Variants in ASIC2 observed in about 807,000 individuals in gnomAD.
ASIC2 encodes acid sensing ion channel subunit 2, also known as acid-sensing ion channel 2.
ASIC2 carries 25 observed loss-of-function variants against 57.3 expected under a neutral mutation model. The ratio of observed to expected loss-of-function variants is 0.44; its 90% CI spans 0.32 to 0.61. The LOEUF is 0.61. Among genes scored for constraint, ASIC2 ranks in the 20% least tolerant of loss-of-function variants. The pLI, the probability that ASIC2 is intolerant of heterozygous loss-of-function variation, is 0.06. For synonymous variants in ASIC2, 319 were observed against 307.5 expected (o/e 1.04, Z -0.39); for missense variants, 641 against 738.1 (o/e 0.87, Z 1.52).
intron 1 of ASIC2, among the ~76,000 whole-genome samples, chr17:34,153,512 A>T (rs1344106407): frequency 6.6e-6 from 1 of 152,226 alleles, no homozygotes; most frequent in Non-Finnish European, 1.5e-5. Context: ...GGGACAAAGG[A>T]TGAGTTGGGA....
rs1192486577 is a variant in ASIC2, at chr17:34,064,682, G to GA, written c.555+91295dup. 7.9e-5 allele frequency among the ~76,000 whole-genome samples: 12 copies of GA among 151,602 alleles called. No individual in the cohort carries two copies. In the South Asian group the frequency reaches 2.5e-3, roughly 32 times the overall value. On this transcript the variant is annotated intron_variant, in intron 1 of 9. Coordinates refer to the ASIC2 transcript ENST00000359872. ...ACAACAAACTCAAACAAATCAATAA[G>GA]AAAAAAACAAACAATCCCATCAAAA... is the stretch of plus-strand genomic sequence containing the variant.
intron 1 of ASIC2, among the ~76,000 whole-genome samples, chr17:33,665,909 C>T (rs755178072): frequency 1.9e-4 from 29 of 152,128 alleles, no homozygotes; most frequent in Non-Finnish European, 2.9e-4. Context: ...TCCCTAAGTG[C>T]CCAGGCTGGG....
intron 1 of ASIC2, among the ~76,000 whole-genome samples, chr17:34,104,784 G>A (rs1910985204): frequency 1.3e-5 from 2 of 151,636 alleles, no homozygotes; most frequent in African/African-American, 4.9e-5. Flanking sequence ...TTTAAATGTT[G>A]AACCAAACTT....
At chr17:33,537,202 G>T (rs1915261074) in intron 1 of ASIC2, among the ~76,000 whole-genome samples, 1 of 152,042 alleles carries the variant, frequency 6.6e-6, no homozygotes. Context: ...CTGCAGCTGG[G>T]GTGGTGGTGT....
chr17:33,202,993 A>G (rs1464999551), intron 1 of ASIC2, among the ~76,000 whole-genome samples: 1 of 152,228 alleles, frequency 6.6e-6, no homozygotes, highest in African/African-American at 2.4e-5. Context: ...GCCAGAGAGA[A>G]AAAAAGCAAC....
chr17:33,946,924 A>C lies in ASIC2; in HGVS notation c.555+209054T>G, dbSNP rs538254637. Among the ~76,000 whole-genome samples, 6 of 152,062 alleles carry C rather than the reference A, an allele frequency of 3.9e-5. No individual in the cohort carries two copies. In the East Asian group the frequency reaches 1.2e-3, roughly 29 times the overall value. ...CTGGCAGTTTGGGGTGAAGGGGAGG[A>C]GATGGGGCATATATGTCCTCTCCAT... On this transcript the variant is annotated intron_variant, in intron 1 of 9. Transcript: ENST00000359872.
At chr17:33,917,671 A>G (rs1915612900) in intron 1 of ASIC2, among the ~76,000 whole-genome samples, 1 of 152,216 alleles carries the variant, frequency 6.6e-6, no homozygotes, top group African/African-American at 2.4e-5. Context: ...TCATTTCCCC[A>G]GAAACTTTCA....
intron 3 of ASIC2, among the ~76,000 whole-genome samples, chr17:33,038,232 C>G (rs991327817): frequency 5.9e-5 from 9 of 152,188 alleles, no homozygotes; most frequent in African/African-American, 2.2e-4. Context: ...TCTTAATAAA[C>G]TCCTTCATGT....
In ASIC2 at chr17:33,690,121, A is replaced by G. The variant is rs576182393; in HGVS notation, c.555+465857T>C. On this transcript the variant is annotated intron_variant, in intron 1 of 9. Transcript: ENST00000359872. ...CCACAAACTCACAATGATAAGGCAC[A>G]TTGTTCTGCACCTTGCTTTTTTAAC... Among the ~76,000 whole-genome samples the G allele has an allele frequency of 7.2e-5, 11 of 152,362 alleles. No individual in the cohort carries two copies. The South Asian group carries it at 2.3e-3, about 32-fold the overall frequency.
At chr17:33,104,251 T>C (rs2092226320) in intron 2 of ASIC2, among the ~76,000 whole-genome samples, 1 of 152,180 alleles carries the variant, frequency 6.6e-6, no homozygotes, top group Non-Finnish European at 1.5e-5. Flanking sequence ...GAAGGGGGCC[T>C]CCCATAAACA....
chr17:33,419,032 C>T (rs1271656868), intron 1 of ASIC2, among the ~76,000 whole-genome samples: 1 of 152,144 alleles, frequency 6.6e-6, no homozygotes, highest in Admixed American at 6.5e-5. Context: ...AGCAAACCAC[C>T]ATGGCACGTA....
At chr17:33,146,712 T>C (rs1904577337) in intron 1 of ASIC2, among the ~76,000 whole-genome samples, 2 of 152,190 alleles carry the variant, frequency 1.3e-5, no homozygotes, top group Admixed American at 1.3e-4. Flanking sequence ...CACACCTGTG[T>C]CCTCATCTGC....
chr17:33,960,428 G>A (rs1162324117), intron 1 of ASIC2, among the ~76,000 whole-genome samples: 1 of 152,198 alleles, frequency 6.6e-6, no homozygotes, highest in Non-Finnish European at 1.5e-5. Context: ...TGTACATACA[G>A]AGGTGAATGA....
chr17:33,651,796 A>G (rs1440878488), intron 1 of ASIC2, among the ~76,000 whole-genome samples: 2 of 152,218 alleles, frequency 1.3e-5, no homozygotes, highest in African/African-American at 4.8e-5. Flanking sequence ...TTCAGTTTCA[A>G]CTTGCAGACA....
intron 1 of ASIC2, among the ~76,000 whole-genome samples, chr17:33,464,349 A>G (rs1912739361): frequency 6.6e-6 from 1 of 152,156 alleles, no homozygotes; most frequent in African/African-American, 2.4e-5. Context: ...CCAAATTGGA[A>G]AGCTGGTTGA....
intron 1 of ASIC2, chr17:34,038,014 C>T: frequency 1.2e-6 from 2 of 1,613,412 alleles, no homozygotes; most frequent in Non-Finnish European, 1.7e-6. Flanking sequence ...GTGGTAAATA[C>T]CAATAAGTAC....
intron 1 of ASIC2, among the ~76,000 whole-genome samples, chr17:33,655,752 A>G (rs1014996065): frequency 2.6e-5 from 4 of 152,220 alleles, no homozygotes; most frequent in African/African-American, 4.8e-5. Context: ...TGTCCAATAA[A>G]TAGAGTAATG....
intron 1 of ASIC2, among the ~76,000 whole-genome samples, chr17:34,084,588 G>C (rs925159060): frequency 1.1e-4 from 16 of 152,280 alleles, no homozygotes; most frequent in Middle Eastern, 6.8e-3. Flanking sequence ...GAAAGTCATT[G>C]GTTGCTTGAT....
chr17:33,441,451 G>A (rs1911819039), intron 1 of ASIC2, among the ~76,000 whole-genome samples: 1 of 152,070 alleles, frequency 6.6e-6, no homozygotes, highest in Admixed American at 6.5e-5. Flanking sequence ...TTACATTTAG[G>A]TCTATGTTCC....
Sources: allele counts gnomAD v4.1 joint callset (sites outside exome capture counted in the v4.1 genomes callset), GRCh38; gene constraint gnomAD v4.1.1; transcripts MANE v1.5; gene names NCBI Gene and HGNC (gene_info 2026-07-23, HGNC 2026-07-21).